The following HAUS7 variants were observed in gnomAD, a reference collection of about 807,000 sequenced individuals.
The protein encoded by HAUS7 is HAUS augmin like complex subunit 7, also known as HAUS augmin-like complex subunit 7.
In HAUS7, 3 loss-of-function variants were observed where a neutral mutation model predicts 28.4. The observed-to-expected ratio is 0.11, with a 90% confidence interval of 0.05 to 0.27. The LOEUF (loss-of-function observed/expected upper bound fraction) is 0.27. HAUS7 is among the 10% of genes least tolerant of loss of function. HAUS7 has a pLI of 1.00. For missense variants in HAUS7, 284 were observed against 297.3 expected, an observed-to-expected ratio of 0.96 and a Z score of 0.33; for synonymous variants, 165 against 132.1, an observed-to-expected ratio of 1.25 and a Z score of -1.71.
chrX:153,456,663 GC>G lies in HAUS7; in HGVS notation c.447-13del. On this transcript the variant is annotated splice_polypyrimidine_tract_variant and intron_variant, in intron 5 of 9. Coordinates refer to ENST00000370211, the MANE Select transcript of HAUS7 (RefSeq NM_001385482.1). ...AGTGCTCCATCAGGCTGCAAAGGCA[GC>G]CCCCAGGGCCACACCGTCACAGGCC... The G allele has an allele frequency of 1.7e-6, 2 of 1,158,886 alleles. No homozygotes were observed. The highest frequency in any genetic ancestry group is 3.9e-5 in the South Asian group (2 of 51,837).
intron 9 of HAUS7, among the ~76,000 whole-genome samples, chrX:153,448,266 C>T (rs1028553036): frequency 3.0e-4 from 33 of 108,846 alleles, no homozygotes; most frequent in African/African-American, 1.1e-3. Flanking sequence ...AAGCTGGAAA[C>T]CATCATTCTC....
chrX:153,457,772 G>A lies in HAUS7; in HGVS notation c.355-544C>T, dbSNP rs188950027. ...AGTCCCCCACTCGCCGGAAAGGTGAGTGAGATACCCATGGGAGCCACCCAG... is the reference window on the plus strand; with the variant it reads ...AGTCCCCCACTCGCCGGAAAGGTGAATGAGATACCCATGGGAGCCACCCAG... On this transcript the variant is annotated intron_variant, in intron 4 of 9. Transcript: ENST00000370211. 2.8e-3 allele frequency among the ~76,000 whole-genome samples: 322 copies of A among 113,165 alleles called. 3 individuals carry two copies. Among genetic ancestry groups the A allele is most frequent in the African/African-American group, 9.9e-3 (310 of 31,267 alleles).
rs782604425 is a variant in HAUS7 at position 153,469,121 on chromosome X, G to A, written c.224+25C>T. 5.5e-6 allele frequency: 5 copies of A among 908,012 alleles called. No homozygotes were observed. In the African/African-American group the frequency reaches 9.7e-5, roughly 18 times the overall value. The allele number at this position is 908,012 out of a possible 1,213,427, so 74.8% of individuals were successfully genotyped here. ...TGGCGCCCATGCACACCCCAGGTGGGAAGAGGAAGAAACTGATGCATTACC... is the reference window on the plus strand; with the variant it reads ...TGGCGCCCATGCACACCCCAGGTGGAAAGAGGAAGAAACTGATGCATTACC... On this transcript the variant is annotated intron_variant, in intron 2 of 9. Coordinates refer to ENST00000370211, the MANE Select transcript of HAUS7 (RefSeq NM_001385482.1).
rs782058078 is a variant in HAUS7, at chrX:153,492,925, G to T, written c.-589+2449C>A. ...TGAGGCCCTGAGTGACAGCTCCTGG[G>T]TTCTCAGTCCCCAAGCAGTGCAGGA... On this transcript the variant is annotated intron_variant, in intron 1 of 5. Transcript: ENST00000370210. Among the ~76,000 whole-genome samples the T allele has an allele frequency of 3.6e-3, 400 of 111,873 alleles. 1 individual carries two copies. The highest frequency in any genetic ancestry group is 6.2e-3 in the Non-Finnish European group (327 of 53,148).
chrX:153,464,664 G>A (rs1009259571), intron 3 of HAUS7, among the ~76,000 whole-genome samples: 3 of 112,647 alleles, frequency 2.7e-5, no homozygotes, highest in South Asian at 7.3e-4. Context: ...GGCAAGCTCC[G>A]CTGGAGAGCA....
At chrX:153,474,396 TC>T (rs1556985860), upstream of HAUS7, among the ~76,000 whole-genome samples, 1 of 111,670 alleles carries the variant, frequency 9.0e-6, no homozygotes, top group Non-Finnish European at 1.9e-5. Context: ...GGTACCACCA[TC>T]GCCATCACCA....
chrX:153,450,523 G>T (rs970413931), intron 9 of HAUS7, among the ~76,000 whole-genome samples: 16 of 112,340 alleles, frequency 1.4e-4, no homozygotes, highest in Non-Finnish European at 2.6e-4. Context: ...CACTGCCGGG[G>T]TTGGTGGCAT....
chrX:153,479,264 A>T, intron 1 of HAUS7: 1 of 660,550 alleles, frequency 1.5e-6, no homozygotes, highest in African/African-American at 2.4e-5. Flanking sequence ...ATGGCAGCCA[A>T]GAGGAGTGTG....
intron 1 of HAUS7, among the ~76,000 whole-genome samples, chrX:153,488,118 G>C (rs1007335619): frequency 2.7e-5 from 3 of 112,946 alleles, no homozygotes; most frequent in Non-Finnish European, 5.6e-5. Context: ...GCCCAGCAGA[G>C]ACACAGCCCA....
At chrX:153,449,466 G>A (rs1001643793) in intron 9 of HAUS7, among the ~76,000 whole-genome samples, 2 of 112,687 alleles carry the variant, frequency 1.8e-5, no homozygotes, top group East Asian at 2.8e-4. Flanking sequence ...CCTAGGCTCC[G>A]GACTGTGTCC....
intron 9 of HAUS7, among the ~76,000 whole-genome samples, chrX:153,451,114 G>A (rs943369546): frequency 7.1e-5 from 8 of 112,189 alleles, no homozygotes; most frequent in African/African-American, 2.6e-4. Flanking sequence ...CAAGGGTGAA[G>A]AGACACTTCC....
At chrX:153,485,831 CG>C in intron 1 of HAUS7, 1 of 902,922 alleles carries the variant, frequency 1.1e-6, no homozygotes. Flanking sequence ...CTTCCTGCCG[CG>C]GGGCCTGAGG....
chrX:153,482,932 T>A, intron 1 of HAUS7: 3 of 161,152 alleles, frequency 1.9e-5, no homozygotes, highest in Non-Finnish European at 2.1e-5. Context: ...ACCCTGCCTC[T>A]GCTTCTGCTG....
chrX:153,483,866 G>A (rs933925581), intron 1 of HAUS7, among the ~76,000 whole-genome samples: 6 of 112,010 alleles, frequency 5.4e-5, no homozygotes, highest in East Asian at 2.8e-4. Flanking sequence ...CTGGCCCGAC[G>A]ATGGGTGCAG....
Position 153,456,708 on chromosome X carries a change from G to A in HAUS7, c.447-57C>T, listed in dbSNP as rs936229278. On this transcript the variant is annotated intron_variant, in intron 5 of 9. Coordinates refer to ENST00000370211, the MANE Select transcript of HAUS7 (RefSeq NM_001385482.1). The stretch of plus-strand genomic sequence containing the variant: ...ACAGGCCAGAGCACTCGCCCAGCAG[G>A]CCCTCAGCCCCACAGGGAAGGCCCC... 4.1e-6 allele frequency: 4 copies of A among 977,756 alleles called. No individual in the cohort carries two copies. In the African/African-American group the frequency reaches 5.9e-5, roughly 14 times the overall value. The allele number at this position is 977,756 out of a possible 1,213,427, so 80.6% of individuals were successfully genotyped here. A position where few individuals can be genotyped will look rare whatever the true frequency, so the allele number is the denominator to read the frequency against.
rs2089326600 is a variant in HAUS7, at chrX:153,457,236, AG to A, written c.355-9del. 1 of 1,138,779 alleles carries A rather than the reference AG, an allele frequency of 8.8e-7. No individual in the cohort carries two copies. The highest frequency in any genetic ancestry group is 3.0e-5 in the East Asian group (1 of 33,493). The allele number at this position is 1,138,779 out of a possible 1,213,427, so 93.8% of individuals were successfully genotyped here. A position where few individuals can be genotyped will look rare whatever the true frequency, so the allele number is the denominator to read the frequency against. ...CTGGGCGCAGGCACAGCCCTGGGCA[AG>A]GAAGACCACAGACATTCACTGGCTC... On this transcript the variant is annotated splice_polypyrimidine_tract_variant and intron_variant, in intron 4 of 9. Coordinates refer to ENST00000370211, the MANE Select transcript of HAUS7 (RefSeq NM_001385482.1).
intron 1 of HAUS7, chrX:153,479,493 C>T (rs994686181): frequency 5.8e-6 from 3 of 514,137 alleles, no homozygotes; most frequent in Non-Finnish European, 7.2e-6. Context: ...CTGAGAGAGC[C>T]CTCCCTGGAG....
At position 153,490,501 on chromosome X, in the gene HAUS7, A is replaced by G. The variant is rs189202719; in HGVS notation, c.-589+4873T>C. 1.8e-3 allele frequency among the ~76,000 whole-genome samples: 207 copies of G among 112,470 alleles called. 3 individuals are homozygous for G. Among genetic ancestry groups the G allele is most frequent in the South Asian group, 7.0e-3 (19 of 2,698 alleles). ...GCATGTTGGCACAAGCCTCCTCCAT[A>G]ACCGCCCCACCCCCTGAACCCAGAG... On this transcript the variant is annotated intron_variant, in intron 1 of 5. Coordinates refer to the HAUS7 transcript ENST00000370210.
chrX:153,489,208 C>T (rs1175270023), intron 1 of HAUS7, among the ~76,000 whole-genome samples: 1 of 112,470 alleles, frequency 8.9e-6, no homozygotes, highest in Non-Finnish European at 1.9e-5. Flanking sequence ...GGGCTGGGGA[C>T]TTCACTTCTT....
Sources: gnomAD v4.1 joint callset for allele counts (sites outside exome capture counted in the v4.1 genomes callset) on GRCh38, gnomAD v4.1.1 for gene constraint, MANE v1.5 for transcripts, NCBI Gene and HGNC (gene_info 2026-07-23, HGNC 2026-07-21) for gene names.